Variants in SRRM4 observed in about 807,000 individuals in gnomAD.
The protein encoded by SRRM4 is serine/arginine repetitive matrix protein 4.
Under a neutral mutation model 68.9 loss-of-function variants are expected in SRRM4, and 33 were observed. The ratio of observed to expected loss-of-function variants is 0.48; its 90% CI spans 0.36 to 0.64. The LOEUF (loss-of-function observed/expected upper bound fraction) is 0.64. Ranked by LOEUF, SRRM4 falls within the 30% of genes least tolerant of loss-of-function variation. SRRM4 has a pLI of 0.00. For synonymous variants in SRRM4, 318 were observed against 318.8 expected, an observed-to-expected ratio of 1.00 and a Z score of 0.03; for missense variants, 817 against 827.1, an observed-to-expected ratio of 0.99 and a Z score of 0.15.
intron 1 of SRRM4, among the ~76,000 whole-genome samples, chr12:119,094,406 A>G (rs1473984090): frequency 2.0e-5 from 3 of 152,182 alleles, no homozygotes; most frequent in Non-Finnish European, 4.4e-5. Flanking sequence ...CTGCAGTCTG[A>G]CAAGATCCCC....
chr12:119,084,304 C>T (rs766752502), intron 1 of SRRM4, among the ~76,000 whole-genome samples: 10 of 152,180 alleles, frequency 6.6e-5, no homozygotes, highest in Non-Finnish European at 1.0e-4. Flanking sequence ...TGAGGAGCTA[C>T]CTCTTCTGGA....
chr12:119,108,649 T>TG lies in SRRM4; in HGVS notation c.279-5629_279-5628insG, dbSNP rs1486856052. Among the ~76,000 whole-genome samples the TG allele has an allele frequency of 2.0e-5, 3 of 151,914 alleles. 1 individual carries two copies. Among genetic ancestry groups the TG allele is most frequent in the South Asian group, 2.1e-4 (1 of 4,806 alleles). ...ACTAGGATTGCAACCCCTGTTTGTT[T>TG]TTTTTTTGTTTTCCATTTGCTTGGT... On this transcript the variant is annotated intron_variant, in intron 2 of 12. Coordinates refer to ENST00000267260, the MANE Select transcript of SRRM4 (RefSeq NM_194286.4).
chr12:119,156,623 G>A lies in SRRM4; in HGVS notation c.1661G>A (p.Ser554Asn). Reference sequence around the variant, plus strand: ...AGCCGCAGCTACTCCCGGAGCCGGAGTCGGAGCCGGAGCCGGAGACGGAGC... The same window carrying A: ...AGCCGCAGCTACTCCCGGAGCCGGAATCGGAGCCGGAGCCGGAGACGGAGC... ...SASRSYSRSR[S>N]RSRSRRRSRT... is the part of the protein sequence containing the mutation. The change falls in exon 13 of 13, where the codon AGT becomes AAT. Residue 554 changes from serine (S) to asparagine (N), a missense_variant. Physicochemically the swap from Ser to Asn is conservative, Grantham distance 46. Transcript: ENST00000267260. The A allele has an allele frequency of 6.2e-7, 1 of 1,606,358 alleles. No individual in the cohort carries two copies. The highest frequency in any genetic ancestry group is 8.5e-7 in the Non-Finnish European group (1 of 1,177,690).
chr12:119,134,731 C>T (rs939388911), intron 8 of SRRM4, among the ~76,000 whole-genome samples: 14 of 152,190 alleles, frequency 9.2e-5, no homozygotes, highest in African/African-American at 3.1e-4. Context: ...GCAGTACCCA[C>T]AACGAACTAG....
chr12:119,036,439 C>CA (rs2136008906), intron 1 of SRRM4, among the ~76,000 whole-genome samples: 1 of 152,326 alleles, frequency 6.6e-6, no homozygotes, highest in Non-Finnish European at 1.5e-5. Flanking sequence ...CTTCCACACT[C>CA]ACTCTGACAA....
In SRRM4 at chr12:119,156,536, C is replaced by T; in HGVS notation, c.1574C>T (p.Ser525Phe). 1.2e-6 allele frequency: 2 copies of T among 1,611,036 alleles called. No homozygotes were observed. The highest frequency in any genetic ancestry group is 8.5e-7 in the Non-Finnish European group (1 of 1,179,308). The change falls in exon 13 of 13, where the codon TCC (serine) becomes TTC (phenylalanine). Residue 525 changes from serine (S) to phenylalanine (F), a missense_variant. Transcript: ENST00000267260. ...ATCCCCTACTATCGGCCCAGCCCCT[C>T]CTCATCCGGCAGCCTCAGCAGCACC... ...RPIPYYRPSP[S>F]SSGSLSSTSS...
chr12:119,043,809 A>ACACACACACACACACACACACAC (rs1555215467), intron 1 of SRRM4, among the ~76,000 whole-genome samples: 2 of 57,250 alleles, frequency 3.5e-5, no homozygotes, highest in Non-Finnish European at 9.2e-5. Flanking sequence ...CACACACACA[A>ACACACACACACACACACACACAC]GTCTTGGGCA....
chr12:119,015,889 G>C (rs1953477918), intron 1 of SRRM4, among the ~76,000 whole-genome samples: 1 of 152,014 alleles, frequency 6.6e-6, no homozygotes, highest in Non-Finnish European at 1.5e-5. Flanking sequence ...GGCCATCTCT[G>C]ATGACCTGTA....
chr12:118,986,762 A>T (rs1014240341), intron 1 of SRRM4, among the ~76,000 whole-genome samples: 1 of 151,890 alleles, frequency 6.6e-6, no homozygotes, highest in Non-Finnish European at 1.5e-5. Context: ...AGTCTCCATT[A>T]CCTCCACCAC....
intron 1 of SRRM4, among the ~76,000 whole-genome samples, chr12:118,997,968 C>G (rs1273590195): frequency 6.6e-6 from 1 of 152,100 alleles, no homozygotes; most frequent in Admixed American, 6.5e-5. Flanking sequence ...GTCCTACTGA[C>G]ACACTAACTG....
At chr12:119,141,163 G>A (rs576126331) in intron 8 of SRRM4, among the ~76,000 whole-genome samples, 17 of 152,256 alleles carry the variant, frequency 1.1e-4, no homozygotes, top group East Asian at 1.9e-4. Flanking sequence ...GCCTGGTCTC[G>A]AACTCCTGAC....
chr12:119,155,426 G>A lies in SRRM4; in HGVS notation c.1532+1043G>A, dbSNP rs75488639. Among the ~76,000 whole-genome samples, 731 of 152,324 alleles carry A rather than the reference G, an allele frequency of 4.8e-3. 5 individuals carry two copies. Among genetic ancestry groups the A allele is most frequent in the African/African-American group, 0.017 (707 of 41,556 alleles). ...TCCCAGATAGCAAGGCTGGGGTGAT[G>A]GGTCCCCTTCTCCAATATCCCACAG... is the stretch of plus-strand genomic sequence containing the variant. On this transcript the variant is annotated intron_variant, in intron 12 of 12. Transcript: ENST00000267260.
intron 1 of SRRM4, among the ~76,000 whole-genome samples, chr12:118,982,494 T>C (rs575727694): frequency 3.3e-5 from 5 of 152,132 alleles, no homozygotes; most frequent in South Asian, 4.2e-4. Context: ...CAAAAGCCCA[T>C]ATGCTGTTCC....
intron 1 of SRRM4, among the ~76,000 whole-genome samples, chr12:119,020,200 T>A (rs1158141807): frequency 6.6e-6 from 1 of 152,024 alleles, no homozygotes; most frequent in Non-Finnish European, 1.5e-5. Flanking sequence ...TCTGACTTAG[T>A]TCACATCCCC....
At chr12:119,108,536 TTCTTCTTGAA>T (rs1201212966) in intron 2 of SRRM4, among the ~76,000 whole-genome samples, 2 of 152,224 alleles carry the variant, frequency 1.3e-5, no homozygotes, top group Non-Finnish European at 2.9e-5. Flanking sequence ...TAGTTAGCTC[TTCTTCTTGAA>T]TTGATCCCTT....
At chr12:119,039,124 G>A (rs1050979192) in intron 1 of SRRM4, among the ~76,000 whole-genome samples, 1 of 152,196 alleles carries the variant, frequency 6.6e-6, no homozygotes, top group Admixed American at 6.5e-5. Context: ...CTAAGAGTTG[G>A]ATCAAATCAG....
chr12:119,142,533 A>T (rs1954371534), intron 8 of SRRM4, among the ~76,000 whole-genome samples: 1 of 152,222 alleles, frequency 6.6e-6, no homozygotes, highest in Non-Finnish European at 1.5e-5. Context: ...ATGGTGCACC[A>T]GGAAAAATGA....
chr12:119,113,814 C>T (rs184014759), intron 2 of SRRM4, among the ~76,000 whole-genome samples: 17 of 152,186 alleles, frequency 1.1e-4, no homozygotes, highest in Admixed American at 3.3e-4. Flanking sequence ...ATACGTATCT[C>T]GTTACATTAG....
rs372685977 is a variant in SRRM4, at chr12:119,025,555, C to G, written c.131+43542C>G. On this transcript the variant is annotated intron_variant, in intron 1 of 12. Transcript: ENST00000267260. The stretch of plus-strand genomic sequence containing the variant: ...TGCCTCCCGGGTTCAAGTGATTCTC[C>G]TGCCTCAGCCTCCCGAGTAGCTGGG... 4.2e-3 allele frequency among the ~76,000 whole-genome samples: 634 copies of G among 151,686 alleles called. 3 individuals are homozygous for G. Among genetic ancestry groups the G allele is most frequent in the African/African-American group, 0.013 (553 of 41,052 alleles).
Sources: gnomAD v4.1 joint callset for allele counts (sites outside exome capture counted in the v4.1 genomes callset) on GRCh38, gnomAD v4.1.1 for gene constraint, MANE v1.5 for transcripts, NCBI Gene and HGNC (gene_info 2026-07-23, HGNC 2026-07-21) for gene names.